The following SLC39A11 variants were observed in gnomAD, a reference collection of about 807,000 sequenced individuals.
The protein encoded by SLC39A11 is solute carrier family 39 member 11, also known as zinc transporter ZIP11.
Under a neutral mutation model 36.1 loss-of-function variants are expected in SLC39A11, and 33 were observed. That is an observed-to-expected ratio of 0.91 (90% CI 0.69 to 1.22). The LOEUF is 1.22. Among genes scored for constraint, SLC39A11 ranks in the 50% most tolerant of loss-of-function variants. SLC39A11 has a pLI of 0.00. For missense variants in SLC39A11, 432 were observed against 430.3 expected, an observed-to-expected ratio of 1.00 and a Z score of -0.03; for synonymous variants, 166 against 170.3, an observed-to-expected ratio of 0.97 and a Z score of 0.20.
In SLC39A11 at chr17:72,797,696, C is replaced by T. The variant is rs189798808; in HGVS notation, c.601+51938G>A. ...GGATGCACACCATCGTGGCCCGGCT[C>T]TGCAGAGGATGGAGCTGAAGTTTAG... is the stretch of plus-strand genomic sequence containing the variant. On this transcript the variant is annotated intron_variant, in intron 6 of 9. Transcript: ENST00000255559. Among the ~76,000 whole-genome samples the T allele has an allele frequency of 3.5e-3, 529 of 152,264 alleles. 12 individuals are homozygous for T. The highest frequency in any genetic ancestry group is 0.012 in the African/African-American group (506 of 41,500).
chr17:72,840,997 G>A (rs1255884663), intron 6 of SLC39A11, among the ~76,000 whole-genome samples: 1 of 152,136 alleles, frequency 6.6e-6, no homozygotes, highest in Admixed American at 6.6e-5. Flanking sequence ...GGAGCTTGCA[G>A]TGAGCTGAGA....
intron 5 of SLC39A11, among the ~76,000 whole-genome samples, chr17:72,913,928 C>A (rs1226993062): frequency 6.6e-6 from 1 of 151,132 alleles, no homozygotes; most frequent in Non-Finnish European, 1.5e-5. Context: ...TATGCAGTTG[C>A]CAAAGAAAAA....
intron 7 of SLC39A11, among the ~76,000 whole-genome samples, chr17:72,695,788 A>C (rs1332521756): frequency 1.3e-5 from 2 of 152,192 alleles, no homozygotes; most frequent in African/African-American, 2.4e-5. Context: ...GCAGAGACAG[A>C]GACCGGAATG....
At chr17:72,768,928 T>C (rs2075840469) in intron 6 of SLC39A11, among the ~76,000 whole-genome samples, 1 of 151,896 alleles carries the variant, frequency 6.6e-6, no homozygotes, top group African/African-American at 2.4e-5. Context: ...GCTCGGCTAA[T>C]TTTCTGTATT....
Position 72,854,352 on chromosome 17 carries a change from T to C in SLC39A11, c.431-4548A>G, listed in dbSNP as rs577706353. The stretch of plus-strand genomic sequence containing the variant: ...GGTGGAGAAAAGGCTGAACTGCTCA[T>C]TGCTTGCCAAAAAAGGTAGTGGGAG... On this transcript the variant is annotated intron_variant, in intron 5 of 9. Transcript: ENST00000255559. Among the ~76,000 whole-genome samples the C allele has an allele frequency of 3.2e-3, 486 of 151,998 alleles. 3 individuals carry two copies. The highest frequency in any genetic ancestry group is 4.8e-3 in the Non-Finnish European group (327 of 67,948).
intron 3 of SLC39A11, among the ~76,000 whole-genome samples, chr17:73,039,111 C>T (rs143152480): frequency 0.013 from 2,003 of 152,258 alleles, 12 homozygotes; most frequent in Non-Finnish European, 0.021. Flanking sequence ...CTCTCTTCTG[C>T]AGCTCAGTTT....
intron 5 of SLC39A11, among the ~76,000 whole-genome samples, chr17:72,851,957 C>A (rs571394900): frequency 1.3e-5 from 2 of 152,090 alleles, no homozygotes; most frequent in East Asian, 3.9e-4. Context: ...AATCCCAGCA[C>A]TTTGGGAGGC....
At chr17:72,921,734 A>G (rs925149653) in intron 5 of SLC39A11, among the ~76,000 whole-genome samples, 1 of 149,452 alleles carries the variant, frequency 6.7e-6, no homozygotes, top group African/African-American at 2.5e-5. Context: ...ATTTCCACTT[A>G]TATCCATTTA....
Position 72,662,925 on chromosome 17 carries a change from C to T in SLC39A11, c.672-13657G>A, listed in dbSNP as rs73343592. Among the ~76,000 whole-genome samples, 702 of 152,208 alleles carry T rather than the reference C, an allele frequency of 4.6e-3. 11 individuals are homozygous for T. The highest frequency in any genetic ancestry group is 0.016 in the African/African-American group (654 of 41,494). On this transcript the variant is annotated intron_variant, in intron 7 of 9. Coordinates refer to ENST00000255559, the MANE Select transcript of SLC39A11 (RefSeq NM_139177.4). ...ATAAACTGGAAACCATGCAAGTGCCCCTCTACAACAGAATGAGTAAAATAA... is the reference window on the plus strand; with the variant it reads ...ATAAACTGGAAACCATGCAAGTGCCTCTCTACAACAGAATGAGTAAAATAA...
At chr17:72,814,066 C>A (rs962811573) in intron 6 of SLC39A11, among the ~76,000 whole-genome samples, 1 of 152,186 alleles carries the variant, frequency 6.6e-6, no homozygotes, top group Admixed American at 6.5e-5. Context: ...TCTAGAACAA[C>A]ACGGCATGTC....
chr17:73,027,773 C>T (rs2058608387), intron 4 of SLC39A11, among the ~76,000 whole-genome samples: 1 of 152,230 alleles, frequency 6.6e-6, no homozygotes, highest in African/African-American at 2.4e-5. Context: ...TCTGACGCTC[C>T]CAGGCATTGG....
chr17:72,742,323 C>A (rs544495549), intron 6 of SLC39A11, among the ~76,000 whole-genome samples: 1 of 152,154 alleles, frequency 6.6e-6, no homozygotes, highest in African/African-American at 2.4e-5. Context: ...GAGGCAGCCT[C>A]GTTTTTGCAG....
chr17:72,653,441 C>T (rs1273182915), intron 7 of SLC39A11, among the ~76,000 whole-genome samples: 2 of 124,768 alleles, frequency 1.6e-5, no homozygotes, highest in Admixed American at 8.1e-5. Flanking sequence ...CTTTTCTTTT[C>T]TTTTTTTTTT....
rs541515357 is a variant in SLC39A11, at chr17:72,805,870, T to C, written c.601+43764A>G. Among the ~76,000 whole-genome samples, 9 of 152,082 alleles carry C rather than the reference T, an allele frequency of 5.9e-5. No homozygotes were observed. In the South Asian group the frequency reaches 1.7e-3, roughly 28 times the overall value. On this transcript the variant is annotated intron_variant, in intron 6 of 9. Coordinates refer to ENST00000255559, the MANE Select transcript of SLC39A11 (RefSeq NM_139177.4). ...TTCAAGCAATTCTCCTGCCTCAGTC[T>C]CCTAAGTATCTGGGACTACAGGCAC...
chr17:72,686,807 A>G (rs2071772799), intron 7 of SLC39A11, among the ~76,000 whole-genome samples: 1 of 152,208 alleles, frequency 6.6e-6, no homozygotes, highest in African/African-American at 2.4e-5. Flanking sequence ...AAATTAGAGT[A>G]TCTTCTAAAC....
At chr17:72,997,249 A>T (rs929949780) in intron 4 of SLC39A11, among the ~76,000 whole-genome samples, 4 of 152,104 alleles carry the variant, frequency 2.6e-5, no homozygotes, top group African/African-American at 9.7e-5. Flanking sequence ...TCTTTAACGT[A>T]CAGAGTAGCT....
intron 7 of SLC39A11, among the ~76,000 whole-genome samples, chr17:72,656,531 A>T (rs2143944622): frequency 6.6e-6 from 1 of 151,770 alleles, no homozygotes; most frequent in Admixed American, 6.5e-5. Flanking sequence ...GAGACGGGGG[A>T]GGCGGGAAGG....
intron 5 of SLC39A11, among the ~76,000 whole-genome samples, chr17:72,903,676 G>A (rs1389393609): frequency 6.6e-6 from 1 of 152,162 alleles, no homozygotes; most frequent in African/African-American, 2.4e-5. Context: ...AAATTTGAAG[G>A]GGGAGGTGGA....
intron 5 of SLC39A11, among the ~76,000 whole-genome samples, chr17:72,943,071 T>TA (rs1281592890): frequency 6.6e-6 from 1 of 152,054 alleles, no homozygotes; most frequent in Non-Finnish European, 1.5e-5. Context: ...TGATTCCAAA[T>TA]ACAAGACTGA....
Sources: gnomAD v4.1 joint callset for allele counts (sites outside exome capture counted in the v4.1 genomes callset) on GRCh38, gnomAD v4.1.1 for gene constraint, MANE v1.5 for transcripts, NCBI Gene and HGNC (gene_info 2026-07-23, HGNC 2026-07-21) for gene names.